SV2C: variants seen among roughly 807,000 people sequenced by gnomAD.
SV2C encodes solute carrier family 22 member B3.
SV2C carries 49 observed loss-of-function variants against 79.7 expected under a neutral mutation model. That is an observed-to-expected ratio of 0.61 (90% CI 0.49 to 0.78). The LOEUF (loss-of-function observed/expected upper bound fraction) is 0.78. SV2C is among the 30% of genes least tolerant of loss of function. SV2C has a pLI of 0.00. For synonymous variants in SV2C, 334 were observed against 333.2 expected, an observed-to-expected ratio of 1.00 and a Z score of -0.03; for missense variants, 833 against 912.9, an observed-to-expected ratio of 0.91 and a Z score of 1.13.
chr5:76,241,406 G>C (rs1284807942), intron 4 of SV2C, among the ~76,000 whole-genome samples: 2 of 151,974 alleles, frequency 1.3e-5, no homozygotes, highest in African/African-American at 2.4e-5. Context: ...TTAGAGTGAG[G>C]GTTGACATTT....
the SV2C span, among the ~76,000 whole-genome samples, chr5:75,934,702 C>T: frequency 0.25 from 38,067 of 152,004 alleles, 5,749 homozygotes; most frequent in East Asian, 0.41. Flanking sequence ...CATTGTGTCA[C>T]TGCCTTCTTA....
chr5:76,284,827 G>A (rs1747299998), intron 4 of SV2C, among the ~76,000 whole-genome samples: 1 of 152,126 alleles, frequency 6.6e-6, no homozygotes, highest in African/African-American at 2.4e-5. Context: ...AAAGAGTGGA[G>A]AGTGATCTGG....
intron 2 of SV2C, among the ~76,000 whole-genome samples, chr5:76,194,611 A>G (rs1171716881): frequency 1.3e-5 from 2 of 152,176 alleles, no homozygotes; most frequent in African/African-American, 4.8e-5. Flanking sequence ...CAGCCTAAAT[A>G]AAGACAGCTT....
At chr5:75,984,570 T>G in the SV2C span, among the ~76,000 whole-genome samples, 1 of 68,368 alleles carries the variant, frequency 1.5e-5, no homozygotes, top group Non-Finnish European at 4.8e-5. Context: ...TCTATCTATA[T>G]CTATCTATCT....
chr5:76,162,256 CTT>C, intron 2 of SV2C, among the ~76,000 whole-genome samples: 1 of 152,254 alleles, frequency 6.6e-6, no homozygotes, highest in South Asian at 2.1e-4. Context: ...CTAGTACACT[CTT>C]TTTTCCCTGA....
At chr5:76,271,368 A>G (rs1053374865) in intron 4 of SV2C, among the ~76,000 whole-genome samples, 3 of 152,156 alleles carry the variant, frequency 2.0e-5, no homozygotes, top group African/African-American at 4.8e-5. Context: ...TGTTATTGGG[A>G]CTACCCACAA....
the SV2C span, among the ~76,000 whole-genome samples, chr5:76,008,707 G>A: frequency 2.6e-5 from 4 of 152,016 alleles, no homozygotes; most frequent in Non-Finnish European, 4.4e-5. Context: ...CCCTTGTCCC[G>A]AGGCAAGACA....
the SV2C span, among the ~76,000 whole-genome samples, chr5:76,068,117 G>C: frequency 6.6e-6 from 1 of 152,074 alleles, no homozygotes; most frequent in Non-Finnish European, 1.5e-5. Flanking sequence ...ATGATAATAG[G>C]CCTCTTTATT....
chr5:75,945,266 T>C, the SV2C span, among the ~76,000 whole-genome samples: 2 of 152,030 alleles, frequency 1.3e-5, no homozygotes, highest in Non-Finnish European at 2.9e-5. Flanking sequence ...AAATAATTAA[T>C]ATTTATAGAA....
chr5:75,948,522 C>A, the SV2C span, among the ~76,000 whole-genome samples: 1 of 151,812 alleles, frequency 6.6e-6, no homozygotes, highest in African/African-American at 2.4e-5. Context: ...GTGATAGTGC[C>A]ATGAGGAGAA....
Position 76,212,851 on chromosome 5 carries a change from G to A in SV2C, c.913+2964G>A, listed in dbSNP as rs149265205. ...AGATTTTCTCTCCTGCCTTGTCACC[G>A]GTCAGTCAGTGGCCAACCCACAAAG... On this transcript the variant is annotated intron_variant, in intron 4 of 12. Coordinates refer to ENST00000502798, the MANE Select transcript of SV2C (RefSeq NM_014979.4). 1.1e-3 allele frequency among the ~76,000 whole-genome samples: 163 copies of A among 152,118 alleles called. 1 individual carries two copies. Among genetic ancestry groups the A allele is most frequent in the Admixed American group, 0.01 (155 of 15,272 alleles).
the SV2C span, among the ~76,000 whole-genome samples, chr5:75,853,500 G>C: frequency 6.9e-6 from 1 of 144,966 alleles, no homozygotes; most frequent in Admixed American, 7.0e-5. Context: ...AGCTTGCAGT[G>C]AGCACAGATC....
chr5:75,963,822 C>T, the SV2C span, among the ~76,000 whole-genome samples: 1 of 152,050 alleles, frequency 6.6e-6, no homozygotes, highest in African/African-American at 2.4e-5. Flanking sequence ...TAGAAAGTTA[C>T]TCTATGTCTC....
At chr5:76,084,617 T>G (rs1167068462) in intron 1 of SV2C, among the ~76,000 whole-genome samples, 1 of 129,480 alleles carries the variant, frequency 7.7e-6, no homozygotes, top group Non-Finnish European at 1.6e-5. Flanking sequence ...AGGTGCCGCC[T>G]GGACGGCCTG....
At chr5:75,855,517 C>T in the SV2C span, among the ~76,000 whole-genome samples, 1 of 152,066 alleles carries the variant, frequency 6.6e-6, no homozygotes, top group African/African-American at 2.4e-5. Context: ...TAAACAAGTG[C>T]ATTGACAGCA....
downstream of SV2C, among the ~76,000 whole-genome samples, chr5:76,337,438 CG>C (rs1388982289): frequency 6.6e-6 from 1 of 152,058 alleles, no homozygotes. Context: ...TGAGGCACTG[CG>C]GGGTTGGGAC....
chr5:76,218,344 T>G (rs566570324), intron 4 of SV2C, among the ~76,000 whole-genome samples: 5 of 152,280 alleles, frequency 3.3e-5, no homozygotes, highest in Admixed American at 6.5e-5. Context: ...AGCAAAGACT[T>G]GGAACACACC....
chr5:76,333,185 A>G lies in SV2C; in HGVS notation c.*7638A>G, dbSNP rs901317269. 1 of 152,158 alleles carries G rather than the reference A, an allele frequency of 6.6e-6. No individual in the cohort carries two copies. Among genetic ancestry groups the G allele is most frequent in the Non-Finnish European group, 1.5e-5 (1 of 68,024 alleles). The allele number at this position is 152,158 out of a possible 1,614,324, so 9.4% of individuals were successfully genotyped here. ...AGGCCTACCTAGATAGAACTTGACA[A>G]ATTGGCCTAACTTCATCTCCGCTGC... On this transcript the variant is annotated 3_prime_UTR_variant, in exon 13 of 13. Transcript: ENST00000502798.
chr5:76,056,724 G>T, the SV2C span, among the ~76,000 whole-genome samples: 1 of 147,308 alleles, frequency 6.8e-6, no homozygotes, highest in South Asian at 2.1e-4. Flanking sequence ...TTTCTTTCTG[G>T]TTTGGTCTTG....
Sources: allele counts gnomAD v4.1 joint callset (sites outside exome capture counted in the v4.1 genomes callset), GRCh38; gene constraint gnomAD v4.1.1; transcripts MANE v1.5; gene names NCBI Gene and HGNC (gene_info 2026-07-23, HGNC 2026-07-21).